R3HDM2: variants seen among roughly 807,000 people sequenced by gnomAD.
R3HDM2 encodes the protein R3H domain-containing protein 2.
R3HDM2 carries 38 observed loss-of-function variants against 124.5 expected under a neutral mutation model. The ratio of observed to expected loss-of-function variants is 0.31; its 90% CI spans 0.24 to 0.40. The LOEUF (loss-of-function observed/expected upper bound fraction) is 0.40. R3HDM2 is among the 10% of genes least tolerant of loss of function. The pLI is 1.00. For missense variants in R3HDM2, 869 were observed against 1,236.9 expected (o/e 0.70, Z 4.46); for synonymous variants, 391 against 448.0 (o/e 0.87, Z 1.61).
chr12:57,281,241 C>G (rs918538582), intron 13 of R3HDM2, among the ~76,000 whole-genome samples: 1 of 146,684 alleles, frequency 6.8e-6, no homozygotes, highest in African/African-American at 2.5e-5. Flanking sequence ...GAGCTGAGAT[C>G]GCGCCATGAC....
At chr12:57,367,873 A>G (rs560431134) in intron 2 of R3HDM2, among the ~76,000 whole-genome samples, 65 of 152,002 alleles carry the variant, frequency 4.3e-4, no homozygotes, top group African/African-American at 1.6e-3. Flanking sequence ...CAAACCAACC[A>G]GTCTTGCTTT....
chr12:57,384,276 C>T (rs2065356758), intron 2 of R3HDM2, among the ~76,000 whole-genome samples: 1 of 151,764 alleles, frequency 6.6e-6, no homozygotes, highest in South Asian at 2.1e-4. Context: ...ATGGCGTGAA[C>T]CCGGGAGGCA....
At chr12:57,337,536 A>G (rs550154290) in intron 2 of R3HDM2, among the ~76,000 whole-genome samples, 9 of 152,208 alleles carry the variant, frequency 5.9e-5, no homozygotes, top group South Asian at 2.1e-4. Context: ...GTATTAAAGC[A>G]TTTTTTTAAG....
rs1208271524 is a variant in R3HDM2, at chr12:57,269,788, A to C, written c.1551T>G (p.Val517=). The C allele has an allele frequency of 6.2e-7, 1 of 1,614,146 alleles. No individual in the cohort carries two copies. Among genetic ancestry groups the C allele is most frequent in the East Asian group, 2.2e-5 (1 of 44,888 alleles). Residue 517 remains valine (V), a synonymous_variant, in exon 15 of 24, where the codon GTT becomes GTG. Coordinates refer to ENST00000402412, the MANE Select transcript of R3HDM2 (RefSeq NM_001394031.1). ...TSSHAPPTQQ[V]LPPQGYMQPP... The stretch of plus-strand genomic sequence containing the variant: ...GCTGCATGTACCCCTGGGGTGGCAG[A>C]ACTTGCTGAGTAGGTGGTGCATGGC...
chr12:57,349,775 T>C (rs1410495894), intron 2 of R3HDM2, among the ~76,000 whole-genome samples: 3 of 152,034 alleles, frequency 2.0e-5, no homozygotes, highest in Non-Finnish European at 4.4e-5. Context: ...TTAGCCAGGA[T>C]GGTCTCCATC....
At chr12:57,306,228 A>G (rs1008719466) in intron 3 of R3HDM2, among the ~76,000 whole-genome samples, 2 of 152,224 alleles carry the variant, frequency 1.3e-5, no homozygotes, top group East Asian at 3.9e-4. Context: ...CTAGGTCACA[A>G]TATAACATGC....
intron 8 of R3HDM2, chr12:57,297,115 A>G: frequency 2.2e-6 from 1 of 455,922 alleles, no homozygotes. Context: ...ACAAAGAAAA[A>G]GGAAGACATT....
chr12:57,260,016 C>T (rs2040256459), intron 19 of R3HDM2, among the ~76,000 whole-genome samples: 1 of 151,986 alleles, frequency 6.6e-6, no homozygotes, highest in Non-Finnish European at 1.5e-5. Flanking sequence ...GTAATCCCGG[C>T]ACTTTGGGAA....
chr12:57,319,315 C>T (rs559561119), intron 2 of R3HDM2, among the ~76,000 whole-genome samples: 7 of 152,234 alleles, frequency 4.6e-5, no homozygotes, highest in African/African-American at 1.4e-4. Context: ...GGATTACAGG[C>T]GTGAGCCACT....
chr12:57,300,122 T>C lies in R3HDM2; in HGVS notation c.267A>G (p.Pro89=), dbSNP rs2050792587. ...GGGTTTCTAATGGCCCATCAGCAAA[T>C]GGGGTGGAGGACTCCTCACACACTG... The part of the protein sequence containing the change: ...SLAVCEESST[P]FADGPLETQD... Residue 89 remains proline, a synonymous_variant, in exon 5 of 24, where the codon CCA becomes CCG. Coordinates refer to ENST00000402412, the MANE Select transcript of R3HDM2 (RefSeq NM_001394031.1). 1 of 1,551,670 alleles carries C rather than the reference T, an allele frequency of 6.4e-7. No individual in the cohort carries two copies. Among genetic ancestry groups the C allele is most frequent in the Non-Finnish European group, 8.7e-7 (1 of 1,146,912 alleles).
intron 2 of R3HDM2, among the ~76,000 whole-genome samples, chr12:57,342,214 A>C (rs929719267): frequency 6.6e-6 from 1 of 152,156 alleles, no homozygotes; most frequent in South Asian, 2.1e-4. Flanking sequence ...CACATTATTA[A>C]TGGAGACTTC....
intron 12 of R3HDM2, among the ~76,000 whole-genome samples, chr12:57,285,111 A>G (rs1177256632): frequency 6.6e-6 from 1 of 152,214 alleles, no homozygotes; most frequent in Non-Finnish European, 1.5e-5. Context: ...TAAGCAAAAA[A>G]TCATTGTAGT....
At chr12:57,319,321 C>A (rs991150737) in intron 2 of R3HDM2, among the ~76,000 whole-genome samples, 1 of 152,218 alleles carries the variant, frequency 6.6e-6, no homozygotes, top group Non-Finnish European at 1.5e-5. Context: ...CAGGCGTGAG[C>A]CACTACGCCC....
In R3HDM2 at chr12:57,299,467, T is replaced by C. The variant is rs888853239; in HGVS notation, c.306A>G (p.Gln102=). The C allele has an allele frequency of 3.4e-5, 53 of 1,546,468 alleles. No homozygotes were observed. The highest frequency in any genetic ancestry group is 9.8e-5 in the Admixed American group (5 of 50,966). The change falls in exon 6 of 24, where the codon CAA becomes CAG. Residue 102 remains glutamine (Q), a synonymous_variant. Coordinates refer to ENST00000402412, the MANE Select transcript of R3HDM2 (RefSeq NM_001394031.1). The part of the protein sequence containing the change: ...DGPLETQDII[Q]LHISCPSDKE... Reference sequence around the variant, plus strand: ...TGTCAGAAGGGCAACTGATGTGCAATTGAATTATATCCTTAAGGGGAAAAA... The same window carrying C: ...TGTCAGAAGGGCAACTGATGTGCAACTGAATTATATCCTTAAGGGGAAAAA...
chr12:57,363,309 G>A (rs2062170023), intron 2 of R3HDM2, among the ~76,000 whole-genome samples: 1 of 152,050 alleles, frequency 6.6e-6, no homozygotes, highest in South Asian at 2.1e-4. Flanking sequence ...CCCATTTAAA[G>A]TGCACAATTC....
intron 11 of R3HDM2, among the ~76,000 whole-genome samples, chr12:57,292,171 T>G (rs766465362): frequency 5.9e-5 from 9 of 152,188 alleles, no homozygotes; most frequent in Non-Finnish European, 1.2e-4. Context: ...GTACAGCCTG[T>G]GTGAACACTA....
intron 6 of R3HDM2, among the ~76,000 whole-genome samples, chr12:57,298,819 C>T (rs1365664913): frequency 6.6e-6 from 1 of 151,820 alleles, no homozygotes; most frequent in Non-Finnish European, 1.5e-5. Flanking sequence ...AAAAATTAGC[C>T]AGGTGTGGTG....
intron 1 of R3HDM2, among the ~76,000 whole-genome samples, chr12:57,402,518 G>A (rs2068134656): frequency 6.6e-6 from 1 of 151,930 alleles, no homozygotes; most frequent in Admixed American, 6.6e-5. Context: ...TATATTTTTA[G>A]TAGAGTTGGA....
chr12:57,299,883 C>T (rs1296167437), intron 5 of R3HDM2, among the ~76,000 whole-genome samples: 3 of 152,096 alleles, frequency 2.0e-5, no homozygotes, highest in Non-Finnish European at 4.4e-5. Context: ...TTAGGGTCCC[C>T]CTCCTCCCTG....
Sources: allele counts gnomAD v4.1 joint callset (sites outside exome capture counted in the v4.1 genomes callset), GRCh38; gene constraint gnomAD v4.1.1; transcripts MANE v1.5; gene names NCBI Gene and HGNC (gene_info 2026-07-23, HGNC 2026-07-21).